CPA6: variants seen among roughly 807,000 people sequenced by gnomAD.
CPA6 encodes carboxypeptidase B.
A neutral mutation model predicts 63.3 loss-of-function variants in CPA6; 58 were observed. The ratio of observed to expected loss-of-function variants is 0.92; its 90% CI spans 0.74 to 1.14. The LOEUF is 1.14. Among genes scored for constraint, CPA6 ranks in the 50% most tolerant of loss-of-function variants. The pLI, the probability that CPA6 is intolerant of heterozygous loss-of-function variation, is 0.00. For synonymous variants in CPA6, 185 were observed against 179.0 expected (o/e 1.03, Z -0.27); for missense variants, 565 against 526.6 (o/e 1.07, Z -0.71).
At chr8:67,584,749 G>A (rs888000406) in intron 2 of CPA6, among the ~76,000 whole-genome samples, 3 of 152,112 alleles carry the variant, frequency 2.0e-5, no homozygotes, top group Admixed American at 1.3e-4. Context: ...TGACTTTCCT[G>A]CTGCTGCCAA....
chr8:67,494,874 T>G (rs1226200674), intron 6 of CPA6, among the ~76,000 whole-genome samples: 1 of 152,174 alleles, frequency 6.6e-6, no homozygotes, highest in Non-Finnish European at 1.5e-5. Flanking sequence ...TGGAATTTAT[T>G]CTTGGTTGTC....
At chr8:67,663,561 C>T (rs372442913) in intron 1 of CPA6, among the ~76,000 whole-genome samples, 87 of 152,186 alleles carry the variant, frequency 5.7e-4, no homozygotes, top group African/African-American at 1.8e-3. Context: ...TATGTTGTTC[C>T]CTTCCCTGTG....
intron 2 of CPA6, among the ~76,000 whole-genome samples, chr8:67,522,560 A>C (rs1381581910): frequency 1.3e-5 from 2 of 152,222 alleles, no homozygotes; most frequent in Non-Finnish European, 2.9e-5. Context: ...CTGAGCTGCG[A>C]GGCGGTGGGA....
chr8:67,576,551 T>C (rs1813630889), intron 2 of CPA6, among the ~76,000 whole-genome samples: 1 of 152,236 alleles, frequency 6.6e-6, no homozygotes, highest in South Asian at 2.1e-4. Flanking sequence ...TTTGGAATCA[T>C]ACGTGCTCCA....
At chr8:67,509,250 T>C (rs1175141527) in intron 5 of CPA6, among the ~76,000 whole-genome samples, 1 of 152,194 alleles carries the variant, frequency 6.6e-6, no homozygotes, top group Non-Finnish European at 1.5e-5. Flanking sequence ...TAAATAGTTT[T>C]GCATTGGTTC....
intron 1 of CPA6, among the ~76,000 whole-genome samples, chr8:67,730,699 T>C (rs1209084253): frequency 6.6e-6 from 1 of 152,152 alleles, no homozygotes; most frequent in Non-Finnish European, 1.5e-5. Context: ...GAGTCAAGGA[T>C]TTTAGGAGCT....
intron 1 of CPA6, among the ~76,000 whole-genome samples, chr8:67,655,053 G>T (rs150778861): frequency 1.3e-5 from 2 of 152,218 alleles, no homozygotes; most frequent in African/African-American, 4.8e-5. Context: ...ATGTTACAAG[G>T]TTACACAATA....
intron 1 of CPA6, among the ~76,000 whole-genome samples, chr8:67,702,094 C>G (rs1422467784): frequency 6.6e-6 from 1 of 152,104 alleles, no homozygotes; most frequent in Non-Finnish European, 1.5e-5. Context: ...TCCCAATAGA[C>G]AGAAAACACC....
chr8:67,467,119 A>G (rs998194044), intron 8 of CPA6, among the ~76,000 whole-genome samples: 6 of 152,200 alleles, frequency 3.9e-5, no homozygotes, highest in African/African-American at 1.2e-4. Flanking sequence ...ACTATAAATG[A>G]CATTATGGTC....
At chr8:67,613,599 A>G (rs1814865472) in intron 2 of CPA6, among the ~76,000 whole-genome samples, 1 of 152,192 alleles carries the variant, frequency 6.6e-6, no homozygotes, top group African/African-American at 2.4e-5. Context: ...TACTTTACAG[A>G]TCAGGAAATA....
At chr8:67,734,673 C>G (rs1817780642) in intron 1 of CPA6, among the ~76,000 whole-genome samples, 1 of 152,130 alleles carries the variant, frequency 6.6e-6, no homozygotes, top group African/African-American at 2.4e-5. Context: ...CCAAATGCCT[C>G]CAACCTTCAT....
At chr8:67,518,509 C>CTTTT (rs71554610) in intron 2 of CPA6, among the ~76,000 whole-genome samples, 3 of 129,872 alleles carry the variant, frequency 2.3e-5, no homozygotes, top group Admixed American at 7.7e-5. Flanking sequence ...CTTTTCTTTT[C>CTTTT]TTTTTTTTTT....
chr8:67,602,796 C>A (rs115040310), intron 2 of CPA6, among the ~76,000 whole-genome samples: 1,825 of 152,300 alleles, frequency 0.012, 22 homozygotes, highest in African/African-American at 0.041. Flanking sequence ...AGCAGTGACT[C>A]ATGTTCCCCA....
Position 67,624,169 on chromosome 8 carries a change from C to CGCCG in CPA6, c.192+6_192+7insCGGC. On this transcript the variant is annotated splice_region_variant and intron_variant, in intron 2 of 10. Coordinates refer to ENST00000297770, the MANE Select transcript of CPA6 (RefSeq NM_020361.5). ...ATTCTACCATAAGTGTGTAGATGTT[C>CGCCG]TATTACCTTAAGTTGATAGGATATT... 6.6e-7 allele frequency: 1 copy of CGCCG among 1,504,860 alleles called. No homozygotes were observed. The highest frequency in any genetic ancestry group is 9.2e-7 in the Non-Finnish European group (1 of 1,084,560). 93.2% of individuals were successfully genotyped at this position (1,504,860 alleles called of 1,614,324 possible). A position where few individuals can be genotyped will look rare whatever the true frequency, so the allele number is the denominator to read the frequency against.
At chr8:67,743,024 C>T (rs1044886216) in intron 1 of CPA6, among the ~76,000 whole-genome samples, 1 of 151,656 alleles carries the variant, frequency 6.6e-6, no homozygotes, top group African/African-American at 2.4e-5. Flanking sequence ...TTTGGGAAAA[C>T]AGGGAGATGA....
intron 1 of CPA6, among the ~76,000 whole-genome samples, chr8:67,667,415 C>A (rs1248214441): frequency 6.6e-6 from 1 of 152,058 alleles, no homozygotes; most frequent in Non-Finnish European, 1.5e-5. Flanking sequence ...AGAGCCAAAA[C>A]CAGGGCCTGG....
At chr8:67,669,439 C>T (rs62511385) in intron 1 of CPA6, among the ~76,000 whole-genome samples, 35,143 of 152,112 alleles carry the variant, frequency 0.23, 4,187 homozygotes, top group South Asian at 0.34. Context: ...CACCCACAGA[C>T]GGGGAGTCTT....
At chr8:67,735,135 T>C (rs957279694) in intron 1 of CPA6, 4 of 152,162 alleles carry the variant, frequency 2.6e-5, no homozygotes, top group African/African-American at 7.2e-5. Context: ...CTAATATACT[T>C]GCATTTTCAT....
chr8:67,588,418 G>A (rs1814007525), intron 2 of CPA6, among the ~76,000 whole-genome samples: 2 of 152,028 alleles, frequency 1.3e-5, no homozygotes, highest in African/African-American at 4.8e-5. Context: ...AATTCTCAAG[G>A]GGTTTTATGT....
Sources: allele counts gnomAD v4.1 joint callset (sites outside exome capture counted in the v4.1 genomes callset), GRCh38; gene constraint gnomAD v4.1.1; transcripts MANE v1.5; gene names NCBI Gene and HGNC (gene_info 2026-07-23, HGNC 2026-07-21).